The following CSMD1 variants were observed in gnomAD, a reference collection of about 807,000 sequenced individuals.
CSMD1 encodes the protein CUB and Sushi multiple domains 1.
A neutral mutation model predicts 417.5 loss-of-function variants in CSMD1; 213 were observed. That is an observed-to-expected ratio of 0.51 (90% CI 0.46 to 0.57). CSMD1 has a LOEUF of 0.57. Among genes scored for constraint, CSMD1 ranks in the 20% least tolerant of loss-of-function variants. The pLI, the probability that CSMD1 is intolerant of heterozygous loss-of-function variation, is 0.00. For missense variants in CSMD1, 6,923 were observed against 4,529.7 expected (o/e 1.53, Z -15.17); for synonymous variants, 2,862 against 1,736.8 (o/e 1.65, Z -16.11).
chr8:3,736,280 C>T (rs1174672226), intron 6 of CSMD1, among the ~76,000 whole-genome samples: 1 of 152,046 alleles, frequency 6.6e-6, no homozygotes, highest in Non-Finnish European at 1.5e-5. Flanking sequence ...CTCACTGTGT[C>T]ACCCAGGCTA....
At chr8:4,254,401 T>C (rs1477053804) in intron 3 of CSMD1, among the ~76,000 whole-genome samples, 1 of 152,182 alleles carries the variant, frequency 6.6e-6, no homozygotes, top group Non-Finnish European at 1.5e-5. Flanking sequence ...CAACAACGAA[T>C]GCCACATTCA....
At chr8:3,690,652 G>T (rs910807303) in intron 7 of CSMD1, among the ~76,000 whole-genome samples, 1 of 152,138 alleles carries the variant, frequency 6.6e-6, no homozygotes, top group South Asian at 2.1e-4. Flanking sequence ...TCACTAATTT[G>T]TCCTTAGGGG....
chr8:3,511,576 GA>G (rs1234740694), intron 10 of CSMD1, among the ~76,000 whole-genome samples: 2 of 151,512 alleles, frequency 1.3e-5, no homozygotes, highest in Non-Finnish European at 2.9e-5. Flanking sequence ...CCAAAATGGT[GA>G]AACCCCTCTC....
chr8:4,209,388 G>A (rs561051115), intron 3 of CSMD1, among the ~76,000 whole-genome samples: 19 of 152,224 alleles, frequency 1.2e-4, no homozygotes, highest in South Asian at 2.1e-4. Flanking sequence ...TTCTGATGCC[G>A]AAGACTCTCC....
intron 5 of CSMD1, among the ~76,000 whole-genome samples, chr8:3,840,840 A>G (rs575470211): frequency 1.3e-5 from 2 of 151,712 alleles, no homozygotes; most frequent in African/African-American, 2.4e-5. Flanking sequence ...GGCGCCTGCC[A>G]CTACGTACAG....
intron 1 of CSMD1, among the ~76,000 whole-genome samples, chr8:4,705,958 C>A (rs1302769360): frequency 6.6e-6 from 1 of 151,748 alleles, no homozygotes; most frequent in Non-Finnish European, 1.5e-5. Flanking sequence ...TTCAACAAAC[C>A]TCTGGATAAA....
intron 54 of CSMD1, 83 bp from the exon 55 acceptor site, chr8:2,978,883 C>G: frequency 1.7e-6 from 2 of 1,192,634 alleles, no homozygotes; most frequent in Non-Finnish European, 2.3e-6. Context: ...GCGAATTCCT[C>G]ATCATTTTAG....
intron 5 of CSMD1, among the ~76,000 whole-genome samples, chr8:3,984,024 C>T (rs113075011): frequency 6.7e-6 from 1 of 148,298 alleles, no homozygotes; most frequent in Non-Finnish European, 1.5e-5. Context: ...TCAATTGCAG[C>T]TCTAGAGCAC....
intron 2 of CSMD1, among the ~76,000 whole-genome samples, chr8:4,585,288 T>A (rs1468730011): frequency 1.3e-5 from 2 of 151,930 alleles, no homozygotes; most frequent in Admixed American, 1.3e-4. Flanking sequence ...AAATAGGCAG[T>A]CCCAGAAATT....
intron 54 of CSMD1, among the ~76,000 whole-genome samples, chr8:2,990,641 A>G (rs559901401): frequency 1.2e-4 from 19 of 152,306 alleles, no homozygotes; most frequent in African/African-American, 4.6e-4. Flanking sequence ...GAGCGATTCC[A>G]TTCCTCCTCC....
chr8:4,491,938 T>C (rs1801724533), intron 2 of CSMD1, among the ~76,000 whole-genome samples: 1 of 152,086 alleles, frequency 6.6e-6, no homozygotes, highest in Non-Finnish European at 1.5e-5. Flanking sequence ...AGCAGCTTTA[T>C]TCATAATTGC....
At chr8:3,477,328 C>A (rs4993697) in intron 11 of CSMD1, among the ~76,000 whole-genome samples, 94,782 of 150,784 alleles carry the variant, frequency 0.63, 30,993 homozygotes, top group Middle Eastern at 0.76. Flanking sequence ...GCCTGCCCTT[C>A]AGATAAAAAC....
intron 3 of CSMD1, among the ~76,000 whole-genome samples, chr8:4,172,533 G>T (rs1412431125): frequency 6.6e-6 from 1 of 151,780 alleles, no homozygotes; most frequent in African/African-American, 2.4e-5. Flanking sequence ...AACTATTTCT[G>T]CTTTGCTTGC....
intron 3 of CSMD1, among the ~76,000 whole-genome samples, chr8:4,415,949 G>A (rs1796912852): frequency 6.6e-6 from 1 of 152,122 alleles, no homozygotes; most frequent in Non-Finnish European, 1.5e-5. Context: ...TTCCCTAGCA[G>A]CCATGGGATC....
intron 52 of CSMD1, among the ~76,000 whole-genome samples, chr8:3,000,591 A>G (rs1481289853): frequency 6.6e-6 from 1 of 152,210 alleles, no homozygotes. Context: ...GAAATTCCAA[A>G]TGGAAAGACA....
At chr8:4,930,459 G>C (rs1362026882) in intron 1 of CSMD1, among the ~76,000 whole-genome samples, 1 of 152,050 alleles carries the variant, frequency 6.6e-6, no homozygotes, top group East Asian at 1.9e-4. Context: ...CATACTGTTA[G>C]CTTATTAGTT....
intron 5 of CSMD1, among the ~76,000 whole-genome samples, chr8:3,846,819 G>A (rs1464014011): frequency 2.0e-5 from 3 of 152,030 alleles, no homozygotes; most frequent in South Asian, 2.1e-4. Context: ...GATTACAGGT[G>A]CCTGCCACCA....
chr8:4,687,303 A>G (rs7830752), intron 1 of CSMD1, among the ~76,000 whole-genome samples: 116,824 of 152,128 alleles, frequency 0.77, 45,484 homozygotes, highest in African/African-American at 0.88. Context: ...ACAGAGGATG[A>G]TGTGTGAAGA....
At chr8:3,177,596 G>A (rs376572886) in intron 37 of CSMD1, among the ~76,000 whole-genome samples, 10 of 152,012 alleles carry the variant, frequency 6.6e-5, no homozygotes, top group African/African-American at 1.2e-4. Flanking sequence ...GGGATAACTG[G>A]GGCAATAGAA....
Sources: allele counts gnomAD v4.1 joint callset (sites outside exome capture counted in the v4.1 genomes callset), GRCh38; gene constraint gnomAD v4.1.1; transcripts MANE v1.5; gene names NCBI Gene and HGNC (gene_info 2026-07-23, HGNC 2026-07-21).